The following COL28A1 variants were observed in gnomAD, a reference collection of about 807,000 sequenced individuals.
COL28A1 encodes the protein collagen alpha-1(XXVIII) chain.
In COL28A1, 161 loss-of-function variants were observed where a neutral mutation model predicts 150.2. That is an observed-to-expected ratio of 1.07 (90% CI 0.94 to 1.22). COL28A1 has a LOEUF of 1.22. COL28A1 is among the 50% of genes most tolerant of loss of function. The pLI is 0.00. For synonymous variants in COL28A1, 552 were observed against 469.7 expected (o/e 1.18, Z -2.26); for missense variants, 1,617 against 1,388.3 (o/e 1.16, Z -2.62).
the COL28A1 span, among the ~76,000 whole-genome samples, chr7:7,345,206 T>C: frequency 6.6e-6 from 1 of 151,988 alleles, no homozygotes; most frequent in Non-Finnish European, 1.5e-5. Context: ...ATGGAAAAGC[T>C]CTACCTATTA....
intron 27 of COL28A1, among the ~76,000 whole-genome samples, chr7:7,411,487 A>G (rs1783790077): frequency 1.3e-5 from 2 of 152,036 alleles, no homozygotes; most frequent in Non-Finnish European, 2.9e-5. Flanking sequence ...CTCCTTCAGG[A>G]GCCTAACTGC....
At chr7:7,483,197 C>G (rs1779442993) in intron 13 of COL28A1, among the ~76,000 whole-genome samples, 1 of 152,076 alleles carries the variant, frequency 6.6e-6, no homozygotes, top group Non-Finnish European at 1.5e-5. Flanking sequence ...CGTTTGCATC[C>G]TCATAAAGTA....
At chr7:7,494,580 A>T (rs929348273) in intron 11 of COL28A1, among the ~76,000 whole-genome samples, 1 of 152,252 alleles carries the variant, frequency 6.6e-6, no homozygotes, top group Non-Finnish European at 1.5e-5. Flanking sequence ...ATATGTATAG[A>T]TTTAATTGTT....
intron 13 of COL28A1, among the ~76,000 whole-genome samples, chr7:7,478,140 A>G (rs1789076802): frequency 6.6e-6 from 1 of 152,094 alleles, no homozygotes; most frequent in Admixed American, 6.5e-5. Context: ...TCTCCACCAC[A>G]TTAACTAGAT....
chr7:7,512,104 T>C (rs1781174299), intron 8 of COL28A1, among the ~76,000 whole-genome samples: 1 of 152,108 alleles, frequency 6.6e-6, no homozygotes, highest in Non-Finnish European at 1.5e-5. Flanking sequence ...TTTAGTGAAA[T>C]AAGCCAGGAA....
chr7:7,438,540 G>C (rs1196926865), intron 21 of COL28A1, among the ~76,000 whole-genome samples: 2 of 152,202 alleles, frequency 1.3e-5, no homozygotes, highest in Admixed American at 6.5e-5. Flanking sequence ...AGCACCCCTG[G>C]TGAAAAACAC....
At chr7:7,537,618 T>C (rs1012187393), upstream of COL28A1, among the ~76,000 whole-genome samples, 6 of 152,200 alleles carry the variant, frequency 3.9e-5, no homozygotes, top group African/African-American at 7.2e-5. Context: ...GCCTCACTTA[T>C]AACAACTACT....
intron 18 of COL28A1, 100 bp downstream of exon 18, chr7:7,452,219 A>T (rs1786749545): frequency 1.3e-6 from 2 of 1,508,776 alleles, no homozygotes. Context: ...ATGTAGAGTT[A>T]GATAACACAC....
At chr7:7,356,700 G>C (rs1188081948), downstream of COL28A1, 1 of 151,876 alleles carries the variant, frequency 6.6e-6, no homozygotes, top group Admixed American at 6.6e-5. Context: ...TTGTGGGGTG[G>C]CGGGGGAGTG....
chr7:7,464,567 G>C (rs1040362873), intron 15 of COL28A1, among the ~76,000 whole-genome samples: 1 of 152,106 alleles, frequency 6.6e-6, no homozygotes, highest in African/African-American at 2.4e-5. Flanking sequence ...AAGATCACTG[G>C]GTCAAAAATG....
chr7:7,439,546 A>T (rs967461143), intron 21 of COL28A1, among the ~76,000 whole-genome samples: 2 of 152,218 alleles, frequency 1.3e-5, no homozygotes, highest in Non-Finnish European at 2.9e-5. Flanking sequence ...ACAGGTCTCA[A>T]ATACCCTGTA....
At chr7:7,494,464 T>C (rs1780095794) in intron 11 of COL28A1, among the ~76,000 whole-genome samples, 1 of 152,206 alleles carries the variant, frequency 6.6e-6, no homozygotes, top group Admixed American at 6.5e-5. Context: ...AAGATCTCCA[T>C]ATGCAAAATG....
chr7:7,536,464 T>C (rs114302439), upstream of COL28A1, among the ~76,000 whole-genome samples: 2,284 of 152,316 alleles, frequency 0.015, 55 homozygotes, highest in African/African-American at 0.052. Flanking sequence ...GTGTTCGAAC[T>C]GTAACATGAG....
intron 4 of COL28A1, among the ~76,000 whole-genome samples, chr7:7,522,510 G>A (rs1781780777): frequency 6.6e-6 from 1 of 152,106 alleles, no homozygotes; most frequent in African/African-American, 2.4e-5. Flanking sequence ...TATAACAGCT[G>A]TTGACCAGGT....
intron 27 of COL28A1, among the ~76,000 whole-genome samples, chr7:7,391,440 G>T (rs368938209): frequency 6.6e-6 from 1 of 152,170 alleles, no homozygotes; most frequent in Non-Finnish European, 1.5e-5. Flanking sequence ...GTGCTGAGAA[G>T]AATGCATATT....
intron 27 of COL28A1, among the ~76,000 whole-genome samples, chr7:7,417,272 G>A (rs1223457980): frequency 6.6e-6 from 1 of 151,748 alleles, no homozygotes; most frequent in Non-Finnish European, 1.5e-5. Flanking sequence ...CAGTAACACA[G>A]ACTCAGGGCC....
intron 15 of COL28A1, among the ~76,000 whole-genome samples, chr7:7,461,950 A>C (rs925792038): frequency 6.6e-6 from 1 of 152,130 alleles, no homozygotes; most frequent in Non-Finnish European, 1.5e-5. Flanking sequence ...AAAATACTGT[A>C]CTAACCAACC....
At chr7:7,436,887 A>G (rs555354097) in intron 22 of COL28A1, among the ~76,000 whole-genome samples, 6 of 152,272 alleles carry the variant, frequency 3.9e-5, no homozygotes, top group African/African-American at 1.4e-4. Flanking sequence ...TAAAAGCACA[A>G]AAATTAGCCA....
downstream of COL28A1, among the ~76,000 whole-genome samples, chr7:7,353,236 T>G (rs1046749982): frequency 7.2e-5 from 11 of 152,178 alleles, no homozygotes; most frequent in African/African-American, 2.4e-4. Flanking sequence ...TAACATTGAT[T>G]ACAAGTTTAT....
Sources: gnomAD v4.1 joint callset for allele counts (sites outside exome capture counted in the v4.1 genomes callset) on GRCh38, gnomAD v4.1.1 for gene constraint, MANE v1.5 for transcripts, NCBI Gene and HGNC (gene_info 2026-07-23, HGNC 2026-07-21) for gene names.